CAST: variants seen among roughly 807,000 people sequenced by gnomAD.
CAST encodes the protein calpastatin, also known as MIR583 host.
A neutral mutation model predicts 119.6 loss-of-function variants in CAST; 76 were observed. The ratio of observed to expected loss-of-function variants is 0.64; its 90% CI spans 0.53 to 0.77. The LOEUF (loss-of-function observed/expected upper bound fraction) is 0.77. Among genes scored for constraint, CAST ranks in the 30% least tolerant of loss-of-function variants. The pLI is 0.00. For missense variants in CAST, 953 were observed against 946.5 expected (o/e 1.01, Z -0.09); for synonymous variants, 319 against 331.6 (o/e 0.96, Z 0.41).
chr5:96,389,665 G>A, the CAST span, among the ~76,000 whole-genome samples: 29 of 152,316 alleles, frequency 1.9e-4, no homozygotes, highest in East Asian at 2.1e-3. Context: ...GCCTGGCACA[G>A]TAGCTGATGC....
At position 96,605,856 on chromosome 5, in the gene CAST, T is replaced by C. The variant is rs1326616284; in HGVS notation, c.61-69683T>C. Among the ~76,000 whole-genome samples, 8 of 152,236 alleles carry C rather than the reference T, an allele frequency of 5.3e-5. No homozygotes were observed. The East Asian group carries it at 1.5e-3, about 29-fold the overall frequency. ...TAGAGAGAGAGTTTGGGCTCTACTT[T>C]CCTAAAGTAAATCTAGTTACTGTGT... On this transcript the variant is annotated intron_variant, in intron 1 of 11. Coordinates refer to the CAST transcript ENST00000505143.
At chr5:96,049,913 A>G in the CAST span, among the ~76,000 whole-genome samples, 9 of 148,024 alleles carry the variant, frequency 6.1e-5, no homozygotes, top group East Asian at 5.9e-4. Context: ...AAAAAAAAAA[A>G]AAAAGAAAAA....
At chr5:96,387,951 T>C in the CAST span, among the ~76,000 whole-genome samples, 1 of 152,360 alleles carries the variant, frequency 6.6e-6, no homozygotes, top group South Asian at 2.1e-4. Flanking sequence ...TGTTTTCCTC[T>C]ATCCTCTTCT....
At chr5:96,485,676 G>A in the CAST span, among the ~76,000 whole-genome samples, 1 of 152,138 alleles carries the variant, frequency 6.6e-6, no homozygotes, top group African/African-American at 2.4e-5. Context: ...AATCTTCTTG[G>A]TAATAGTCAT....
chr5:96,638,362 T>C (rs13354939), intron 1 of CAST, among the ~76,000 whole-genome samples: 27,321 of 152,018 alleles, frequency 0.18, 3,854 homozygotes, highest in African/African-American at 0.4. Flanking sequence ...GCCAAGATCA[T>C]GCCACTGCAC....
intron 1 of CAST, among the ~76,000 whole-genome samples, chr5:96,595,902 G>T (rs939813797): frequency 1.3e-5 from 2 of 152,230 alleles, no homozygotes; most frequent in Non-Finnish European, 2.9e-5. Flanking sequence ...GGGAGAGAAG[G>T]CTTCCTGGAG....
intron 3 of CAST, chr5:96,702,936 C>G: frequency 1.0e-6 from 1 of 985,646 alleles, no homozygotes; most frequent in African/African-American, 1.7e-5. Flanking sequence ...TCTTCCGCCG[C>G]TTTGCTCCAG....
the CAST span, among the ~76,000 whole-genome samples, chr5:96,393,909 C>T: frequency 2.0e-5 from 3 of 152,160 alleles, no homozygotes; most frequent in Non-Finnish European, 4.4e-5. Flanking sequence ...CTGGAGAGCT[C>T]AGAGAAGCCA....
the CAST span, among the ~76,000 whole-genome samples, chr5:96,075,869 A>T: frequency 6.6e-6 from 1 of 152,116 alleles, no homozygotes; most frequent in Non-Finnish European, 1.5e-5. Flanking sequence ...AAATAAAATA[A>T]TTTTTTCCCT....
At chr5:96,344,222 G>A in the CAST span, among the ~76,000 whole-genome samples, 1 of 152,144 alleles carries the variant, frequency 6.6e-6, no homozygotes, top group Non-Finnish European at 1.5e-5. Context: ...TTCTAGTGAT[G>A]AGTCTGTATG....
intron 25 of CAST, chr5:96,762,864 A>G (rs1768484439): frequency 2.7e-6 from 1 of 373,594 alleles, no homozygotes; most frequent in Non-Finnish European, 4.9e-6. Context: ...ACCAGTAAAA[A>G]TTTGTCACTT....
the CAST span, among the ~76,000 whole-genome samples, chr5:96,081,303 C>T: frequency 6.6e-6 from 1 of 152,150 alleles, no homozygotes; most frequent in African/African-American, 2.4e-5. Context: ...CTGTGTAGGG[C>T]CCAGGGAGGT....
the CAST span, among the ~76,000 whole-genome samples, chr5:96,062,179 A>G: frequency 6.6e-6 from 1 of 152,064 alleles, no homozygotes; most frequent in Non-Finnish European, 1.5e-5. Flanking sequence ...AGACCAAGGA[A>G]CCCTTTACAG....
chr5:96,686,292 C>A (rs1311271690), intron 2 of CAST, among the ~76,000 whole-genome samples: 2 of 152,104 alleles, frequency 1.3e-5, no homozygotes, highest in Non-Finnish European at 2.9e-5. Context: ...ATCTCTGCCT[C>A]TAACCCTCAC....
chr5:96,156,920 A>C, the CAST span, among the ~76,000 whole-genome samples: 3 of 152,204 alleles, frequency 2.0e-5, no homozygotes, highest in Non-Finnish European at 4.4e-5. Context: ...CTATCCATAA[A>C]AATTATTTGA....
the CAST span, chr5:96,432,819 T>G: frequency 6.4e-7 from 1 of 1,562,588 alleles, no homozygotes; most frequent in South Asian, 1.1e-5. Context: ...GTCCCGCCAG[T>G]CCCCTGGGGC....
chr5:96,317,294 T>G, the CAST span, among the ~76,000 whole-genome samples: 1 of 143,564 alleles, frequency 7.0e-6, no homozygotes, highest in African/African-American at 2.6e-5. Context: ...TGAAACTGTG[T>G]CTGTACCAAA....
the CAST span, among the ~76,000 whole-genome samples, chr5:96,092,344 A>C: frequency 6.6e-6 from 1 of 152,266 alleles, no homozygotes; most frequent in Non-Finnish European, 1.5e-5. Flanking sequence ...AGATTTTGTT[A>C]GTATTTCTTA....
At chr5:96,549,568 C>T (rs976491610) in intron 1 of CAST, among the ~76,000 whole-genome samples, 10 of 152,038 alleles carry the variant, frequency 6.6e-5, no homozygotes, top group South Asian at 2.1e-4. Context: ...CCATGGTGGG[C>T]GAGTGGAAGC....
Sources: gnomAD v4.1 joint callset for allele counts (sites outside exome capture counted in the v4.1 genomes callset) on GRCh38, gnomAD v4.1.1 for gene constraint, MANE v1.5 for transcripts, NCBI Gene and HGNC (gene_info 2026-07-23, HGNC 2026-07-21) for gene names.